Variants in ARHGAP15 observed in about 807,000 individuals in gnomAD.
ARHGAP15 encodes the protein Rho GTPase activating protein 15, also known as rho GTPase-activating protein 15.
ARHGAP15 carries 51 observed loss-of-function variants against 63.7 expected under a neutral mutation model. That is an observed-to-expected ratio of 0.80 (90% CI 0.64 to 1.01). ARHGAP15 has a LOEUF of 1.01. Ranked by LOEUF, ARHGAP15 falls within the 50% of genes least tolerant of loss-of-function variation. ARHGAP15 has a pLI of 0.00. For synonymous variants in ARHGAP15, 191 were observed against 193.8 expected (o/e 0.99, Z 0.12); for missense variants, 560 against 564.6 (o/e 0.99, Z 0.08).
intron 5 of ARHGAP15, among the ~76,000 whole-genome samples, chr2:143,249,664 G>A (rs1366020702): frequency 6.6e-6 from 1 of 152,074 alleles, no homozygotes; most frequent in Non-Finnish European, 1.5e-5. Flanking sequence ...TGGCGGTATG[G>A]AGGTATGCCA....
intron 13 of ARHGAP15, chr2:143,766,920 CCAAA>C (rs1285669583): frequency 6.6e-6 from 1 of 152,110 alleles, no homozygotes; most frequent in Non-Finnish European, 1.5e-5. Context: ...CCCACTTAGG[CCAAA>C]CAAAGAGAGG....
intron 6 of ARHGAP15, among the ~76,000 whole-genome samples, chr2:143,330,071 G>A (rs1291597987): frequency 2.1e-5 from 2 of 93,584 alleles, no homozygotes; most frequent in South Asian, 4.1e-4. Context: ...CAGCAGCCTG[G>A]GTGACAGAGC....
chr2:143,144,582 C>A (rs550212861), intron 1 of ARHGAP15, among the ~76,000 whole-genome samples: 2 of 152,148 alleles, frequency 1.3e-5, no homozygotes, highest in South Asian at 4.1e-4. Flanking sequence ...ATATTTATGA[C>A]TGGATGTTGG....
Position 143,744,368 on chromosome 2 carries a change from G to A in ARHGAP15, c.1245-23621G>A, listed in dbSNP as rs182785636. ...TATGGTCATCAGCTGGATGACTACC[G>A]CTACTTGGCTGAGAAGCACTTCATC... On this transcript the variant is annotated intron_variant, in intron 13 of 13. Transcript: ENST00000295095. Among the ~76,000 whole-genome samples, 6 of 152,304 alleles carry A rather than the reference G, an allele frequency of 3.9e-5. No individual in the cohort carries two copies. The East Asian group carries it at 5.8e-4, about 15-fold the overall frequency.
chr2:143,487,527 G>A, intron 9 of ARHGAP15, 32 bp downstream of exon 9: 11 of 1,594,734 alleles, frequency 6.9e-6, no homozygotes, highest in Non-Finnish European at 8.5e-6. Flanking sequence ...TACTATAACT[G>A]TGATAAATGA....
chr2:143,555,009 A>G (rs1012178189), intron 10 of ARHGAP15, among the ~76,000 whole-genome samples: 5 of 152,206 alleles, frequency 3.3e-5, no homozygotes, highest in Non-Finnish European at 7.4e-5. Flanking sequence ...CTAGAACTAT[A>G]AAGTCACATC....
chr2:143,442,521 A>G (rs1689933522), intron 8 of ARHGAP15, among the ~76,000 whole-genome samples: 1 of 152,172 alleles, frequency 6.6e-6, no homozygotes, highest in Admixed American at 6.6e-5. Flanking sequence ...AGTCCCCAGT[A>G]GTGGCAGGGA....
chr2:143,689,941 T>C (rs1683518302), intron 12 of ARHGAP15, among the ~76,000 whole-genome samples: 1 of 152,196 alleles, frequency 6.6e-6, no homozygotes, highest in Non-Finnish European at 1.5e-5. Flanking sequence ...GAAGTCTTGA[T>C]GTGTAGCTTA....
At chr2:143,467,165 A>G (rs1001935580) in intron 8 of ARHGAP15, among the ~76,000 whole-genome samples, 1 of 151,244 alleles carries the variant, frequency 6.6e-6, no homozygotes, top group Non-Finnish European at 1.5e-5. Flanking sequence ...TTTCTAATAT[A>G]TAGACTGGGG....
chr2:143,224,088 G>A (rs193012933), intron 4 of ARHGAP15, among the ~76,000 whole-genome samples: 2 of 152,282 alleles, frequency 1.3e-5, no homozygotes, highest in East Asian at 1.9e-4. Flanking sequence ...ATCACATAGT[G>A]CATATAAAAT....
intron 1 of ARHGAP15, among the ~76,000 whole-genome samples, chr2:143,151,065 T>C (rs901280847): frequency 1.3e-5 from 2 of 152,002 alleles, no homozygotes; most frequent in African/African-American, 2.4e-5. Context: ...TTTGGAATAA[T>C]AATGCAGAAA....
chr2:143,680,384 CAT>C (rs1305293268), intron 12 of ARHGAP15, among the ~76,000 whole-genome samples: 2 of 152,146 alleles, frequency 1.3e-5, no homozygotes, highest in Non-Finnish European at 2.9e-5. Flanking sequence ...TTGGTATTTC[CAT>C]AGATACAAAA....
At chr2:143,555,179 A>G (rs1695734185) in intron 10 of ARHGAP15, among the ~76,000 whole-genome samples, 1 of 152,184 alleles carries the variant, frequency 6.6e-6, no homozygotes, top group Non-Finnish European at 1.5e-5. Context: ...CTAACCTTCC[A>G]ATGCAATATT....
intron 2 of ARHGAP15, chr2:143,162,391 G>T (rs1244711610): frequency 6.6e-6 from 1 of 152,018 alleles, no homozygotes; most frequent in Non-Finnish European, 1.5e-5. Flanking sequence ...CATGTACAGA[G>T]ACGAAGGCAC....
intron 12 of ARHGAP15, among the ~76,000 whole-genome samples, chr2:143,635,139 A>C (rs1278351013): frequency 7.2e-6 from 1 of 138,606 alleles, no homozygotes; most frequent in Non-Finnish European, 1.5e-5. Flanking sequence ...TTTGAAAGGT[A>C]GACTTTTTAT....
At chr2:143,287,294 C>G (rs1558867811) in intron 6 of ARHGAP15, among the ~76,000 whole-genome samples, 1 of 152,112 alleles carries the variant, frequency 6.6e-6, no homozygotes, top group African/African-American at 2.4e-5. Flanking sequence ...TAGACTTAAT[C>G]TAATTATCTG....
At chr2:143,743,314 G>A (rs1286284012) in intron 13 of ARHGAP15, among the ~76,000 whole-genome samples, 1 of 152,132 alleles carries the variant, frequency 6.6e-6, no homozygotes, top group Non-Finnish European at 1.5e-5. Context: ...GTAGAACAAG[G>A]CAAGGACTGA....
chr2:143,330,132 C>CAAAAAAAAAAAAA (rs367621500), intron 6 of ARHGAP15, among the ~76,000 whole-genome samples: 1 of 48,932 alleles, frequency 2.0e-5, no homozygotes, highest in Non-Finnish European at 4.1e-5. Context: ...AAAAAAAAAA[C>CAAAAAAAAAAAAA]CAAAAACAAA....
intron 6 of ARHGAP15, among the ~76,000 whole-genome samples, chr2:143,415,299 G>A (rs1688627145): frequency 6.6e-6 from 1 of 151,914 alleles, no homozygotes; most frequent in South Asian, 2.1e-4. Flanking sequence ...AATGACTTAT[G>A]TAAACAAATT....
Sources: gnomAD v4.1 joint callset for allele counts (sites outside exome capture counted in the v4.1 genomes callset) on GRCh38, gnomAD v4.1.1 for gene constraint, MANE v1.5 for transcripts, NCBI Gene and HGNC (gene_info 2026-07-23, HGNC 2026-07-21) for gene names.